Variants in TEK observed in about 807,000 individuals in gnomAD.
The protein encoded by TEK is TEK receptor tyrosine kinase, also known as angiopoietin-1 receptor.
TEK carries 43 observed loss-of-function variants against 131.8 expected under a neutral mutation model. That is an observed-to-expected ratio of 0.33 (90% CI 0.26 to 0.42). The LOEUF (loss-of-function observed/expected upper bound fraction) is 0.42. Among genes scored for constraint, TEK ranks in the 10% least tolerant of loss-of-function variants. The pLI is 1.00. For missense variants in TEK, 1,162 were observed against 1,384.4 expected, an observed-to-expected ratio of 0.84 and a Z score of 2.55; for synonymous variants, 580 against 491.6, an observed-to-expected ratio of 1.18 and a Z score of -2.38.
intron 1 of TEK, among the ~76,000 whole-genome samples, chr9:27,156,227 A>G (rs981349870): frequency 7.9e-5 from 12 of 152,160 alleles, no homozygotes; most frequent in Non-Finnish European, 1.3e-4. Context: ...ACACTCATCC[A>G]ACAAATACTT....
At chr9:27,227,906 A>G (rs1239040851) in intron 21 of TEK, among the ~76,000 whole-genome samples, 2 of 152,214 alleles carry the variant, frequency 1.3e-5, no homozygotes, top group Admixed American at 6.5e-5. Flanking sequence ...ATTTTGAAAT[A>G]TGCAGCATTC....
intron 19 of TEK, 64 bp from the exon 20 acceptor site, chr9:27,218,713 G>C: frequency 6.3e-7 from 1 of 1,589,502 alleles, no homozygotes. Context: ...CTGGCTTTTG[G>C]GGCCGGAAAA....
intron 21 of TEK, among the ~76,000 whole-genome samples, chr9:27,223,837 T>A (rs1333494944): frequency 2.0e-5 from 3 of 152,176 alleles, no homozygotes; most frequent in African/African-American, 7.2e-5. Context: ...AGGAGCTAGT[T>A]TTTTGAAAAG....
chr9:27,124,728 T>A (rs1821923887), intron 1 of TEK, among the ~76,000 whole-genome samples: 1 of 152,226 alleles, frequency 6.6e-6, no homozygotes. Flanking sequence ...CTCATGGGTT[T>A]TTTTTGGAGG....
intron 1 of TEK, among the ~76,000 whole-genome samples, chr9:27,127,951 C>A (rs1822053083): frequency 6.6e-6 from 1 of 152,164 alleles, no homozygotes; most frequent in African/African-American, 2.4e-5. Context: ...ATGGTAGTTT[C>A]TTTTGCTGTG....
intron 1 of TEK, among the ~76,000 whole-genome samples, chr9:27,150,006 C>G (rs752579499): frequency 3.9e-5 from 6 of 152,152 alleles, no homozygotes; most frequent in Non-Finnish European, 7.3e-5. Context: ...GTGGCCAAAA[C>G]TCCTCTCTAG....
At chr9:27,127,731 G>A (rs1055274747) in intron 1 of TEK, among the ~76,000 whole-genome samples, 3 of 152,218 alleles carry the variant, frequency 2.0e-5, no homozygotes, top group Non-Finnish European at 2.9e-5. Flanking sequence ...AATGACCAGT[G>A]ATGATGAGCA....
chr9:27,184,080 G>C (rs1253886134), intron 8 of TEK, among the ~76,000 whole-genome samples: 3 of 152,070 alleles, frequency 2.0e-5, no homozygotes, highest in Non-Finnish European at 4.4e-5. Flanking sequence ...ACGCTCTTTG[G>C]AGCAGCAGTT....
At chr9:27,179,240 A>T (rs74444244) in intron 6 of TEK, among the ~76,000 whole-genome samples, 55 of 152,252 alleles carry the variant, frequency 3.6e-4, no homozygotes, top group African/African-American at 1.3e-3. Context: ...TGCTAAGTCC[A>T]TACAGTGATT....
intron 1 of TEK, among the ~76,000 whole-genome samples, chr9:27,113,968 C>T (rs927798739): frequency 1.3e-5 from 2 of 152,312 alleles, no homozygotes; most frequent in African/African-American, 4.8e-5. Context: ...CATCTCTACT[C>T]TGCAAACACA....
At chr9:27,177,731 C>A (rs1295189185) in intron 6 of TEK, among the ~76,000 whole-genome samples, 3 of 151,618 alleles carry the variant, frequency 2.0e-5, no homozygotes, top group Non-Finnish European at 4.4e-5. Context: ...GCCTGGGCAA[C>A]AAGAGTGAAA....
chr9:27,163,837 G>A (rs566992761), intron 2 of TEK, among the ~76,000 whole-genome samples: 12 of 152,296 alleles, frequency 7.9e-5, no homozygotes, highest in African/African-American at 2.9e-4. Flanking sequence ...CAATTAAATT[G>A]AAAGGAGATG....
At chr9:27,180,472 T>A in intron 7 of TEK, 104 bp downstream of exon 7, 1 of 1,501,278 alleles carries the variant, frequency 6.7e-7, no homozygotes, top group Non-Finnish European at 9.0e-7. Flanking sequence ...CAAGCCTCTT[T>A]TGTTTCCATC....
At chr9:27,199,905 A>G (rs1419212095) in intron 12 of TEK, among the ~76,000 whole-genome samples, 15 of 152,064 alleles carry the variant, frequency 9.9e-5, no homozygotes, top group Non-Finnish European at 8.8e-5. Flanking sequence ...TGTGATTTAT[A>G]CTTTTTGCAT....
At chr9:27,220,186 C>G in intron 21 of TEK, 41 bp downstream of exon 21, 2 of 1,599,140 alleles carry the variant, frequency 1.3e-6, no homozygotes, top group Non-Finnish European at 8.6e-7. Flanking sequence ...GTCTTACCTT[C>G]CCCCTGTGTG....
At chr9:27,204,344 C>G (rs978848044) in intron 13 of TEK, among the ~76,000 whole-genome samples, 1 of 152,050 alleles carries the variant, frequency 6.6e-6, no homozygotes, top group African/African-American at 2.4e-5. Flanking sequence ...TTATTTTGAC[C>G]TGAGCCCTAA....
At chr9:27,208,087 G>A (rs193054136) in intron 15 of TEK, among the ~76,000 whole-genome samples, 1 of 152,036 alleles carries the variant, frequency 6.6e-6, no homozygotes, top group African/African-American at 2.4e-5. Context: ...GCTTAATAAG[G>A]CACCAGGGCA....
At chr9:27,146,936 A>G (rs774278136) in intron 1 of TEK, among the ~76,000 whole-genome samples, 53 of 151,962 alleles carry the variant, frequency 3.5e-4, no homozygotes, top group Non-Finnish European at 6.3e-4. Context: ...TCACCGTGTT[A>G]GCCAGGATGG....
At chr9:27,197,263 C>G in intron 11 of TEK, 52 bp from the exon 12 acceptor site, 1 of 1,595,350 alleles carries the variant, frequency 6.3e-7, no homozygotes, top group Non-Finnish European at 8.6e-7. Flanking sequence ...GGACACTAAT[C>G]CAAACTATAT....
Sources: gnomAD v4.1 joint callset for allele counts (sites outside exome capture counted in the v4.1 genomes callset) on GRCh38, gnomAD v4.1.1 for gene constraint, MANE v1.5 for transcripts, NCBI Gene and HGNC (gene_info 2026-07-23, HGNC 2026-07-21) for gene names.